FRMD6: variants seen among roughly 807,000 people sequenced by gnomAD.
FRMD6 encodes FERM domain-containing protein 6.
Under a neutral mutation model 73.2 loss-of-function variants are expected in FRMD6, and 37 were observed. The observed-to-expected ratio is 0.51, with a 90% CI of 0.39 to 0.66. The LOEUF is 0.66. FRMD6 is among the 30% of genes least tolerant of loss of function. The probability of loss-of-function intolerance (pLI) is 0.00; values close to 1 mark genes in which losing one functional copy is unlikely to be tolerated. For missense variants in FRMD6, 714 were observed against 780.5 expected, an observed-to-expected ratio of 0.91 and a Z score of 1.02; for synonymous variants, 273 against 282.2, an observed-to-expected ratio of 0.97 and a Z score of 0.33.
At chr14:51,435,835 A>G in the FRMD6 span, among the ~76,000 whole-genome samples, 1 of 152,218 alleles carries the variant, frequency 6.6e-6, no homozygotes, top group Non-Finnish European at 1.5e-5. Flanking sequence ...GGTGACACTA[A>G]TTACCTTGAT....
chr14:51,682,656 T>A (rs1894884250), intron 1 of FRMD6, among the ~76,000 whole-genome samples: 1 of 152,212 alleles, frequency 6.6e-6, no homozygotes, highest in South Asian at 2.1e-4. Context: ...TCTGTGATGA[T>A]GTCCTTCTCA....
At chr14:51,653,628 G>A (rs569091158) in intron 1 of FRMD6, among the ~76,000 whole-genome samples, 1 of 152,194 alleles carries the variant, frequency 6.6e-6, no homozygotes, top group African/African-American at 2.4e-5. Context: ...AGTGGGGGAG[G>A]GGAGAAGACC....
the FRMD6 span, among the ~76,000 whole-genome samples, chr14:51,479,359 G>A: frequency 6.6e-6 from 1 of 152,106 alleles, no homozygotes; most frequent in African/African-American, 2.4e-5. Context: ...GCATAACATC[G>A]ACATGTATAA....
chr14:51,716,341 T>C (rs1897242565), intron 10 of FRMD6, among the ~76,000 whole-genome samples: 1 of 152,066 alleles, frequency 6.6e-6, no homozygotes, highest in Admixed American at 6.6e-5. Flanking sequence ...CTTTCAAAGA[T>C]TTGTTTTGCA....
At chr14:51,633,561 A>T (rs1891420375) in intron 2 of FRMD6, among the ~76,000 whole-genome samples, 2 of 135,228 alleles carry the variant, frequency 1.5e-5, no homozygotes, top group African/African-American at 2.8e-5. Context: ...AGATCATGCC[A>T]CTGCACTCCA....
chr14:51,591,294 CAA>C (rs140368702), intron 2 of FRMD6, among the ~76,000 whole-genome samples: 1 of 150,862 alleles, frequency 6.6e-6, no homozygotes, highest in Non-Finnish European at 1.5e-5. Flanking sequence ...ACAAAACAAA[CAA>C]AAAAAAACTT....
chr14:51,569,817 C>G (rs1295236123), intron 1 of FRMD6, among the ~76,000 whole-genome samples: 2 of 123,940 alleles, frequency 1.6e-5, no homozygotes, highest in East Asian at 4.1e-4. Flanking sequence ...TTTCTTTCTT[C>G]TTTTTCTTTT....
At chr14:51,658,565 C>T (rs1892999466) in intron 1 of FRMD6, among the ~76,000 whole-genome samples, 1 of 152,174 alleles carries the variant, frequency 6.6e-6, no homozygotes, top group Non-Finnish European at 1.5e-5. Flanking sequence ...CCTCTTTTCT[C>T]CCTTTTTGTG....
intron 12 of FRMD6, among the ~76,000 whole-genome samples, chr14:51,723,354 T>C (rs1897736061): frequency 6.6e-6 from 1 of 152,204 alleles, no homozygotes; most frequent in Admixed American, 6.5e-5. Context: ...ACTTTGCGTT[T>C]ATATATTTCT....
chr14:51,437,033 A>T, the FRMD6 span: 1 of 525,922 alleles, frequency 1.9e-6, no homozygotes, highest in Non-Finnish European at 3.3e-6. Context: ...CATGTGCACA[A>T]CGTGCAAGTT....
intron 1 of FRMD6, among the ~76,000 whole-genome samples, chr14:51,503,919 G>C (rs150150887): frequency 6.6e-6 from 1 of 151,700 alleles, no homozygotes; most frequent in Admixed American, 6.6e-5. Context: ...AATCATTATT[G>C]GTCTATTCAG....
At chr14:51,670,597 C>T (rs1893934283) in intron 1 of FRMD6, among the ~76,000 whole-genome samples, 1 of 151,196 alleles carries the variant, frequency 6.6e-6, no homozygotes, top group Non-Finnish European at 1.5e-5. Context: ...AATATCTTAA[C>T]AATATTGAGT....
At chr14:51,549,595 C>CTTTTTTTTTTTTTTTTTTTTTT (rs35356416) in intron 1 of FRMD6, among the ~76,000 whole-genome samples, 10 of 98,010 alleles carry the variant, frequency 1.0e-4, no homozygotes, top group African/African-American at 3.7e-4. Context: ...TTTTTTCTTT[C>CTTTTTTTTTTTTTTTTTTTTTT]TTTTTTTTTT....
chr14:51,589,684 C>A (rs1889265739), intron 2 of FRMD6, among the ~76,000 whole-genome samples: 1 of 151,998 alleles, frequency 6.6e-6, no homozygotes, highest in East Asian at 1.9e-4. Context: ...ATAGAGTTAG[C>A]TGTGCATAAC....
chr14:51,716,173 A>G (rs2140570045), intron 10 of FRMD6, among the ~76,000 whole-genome samples: 1 of 152,262 alleles, frequency 6.6e-6, no homozygotes, highest in East Asian at 1.9e-4. Flanking sequence ...GGTCTGTAAC[A>G]TCCGACTTCA....
chr14:51,723,772 C>CAAAAA (rs71443192), intron 12 of FRMD6, among the ~76,000 whole-genome samples: 1 of 138,698 alleles, frequency 7.2e-6, no homozygotes. Flanking sequence ...GAGACTCTGT[C>CAAAAA]AAAAAAAAAA....
the FRMD6 span, among the ~76,000 whole-genome samples, chr14:51,411,760 G>A: frequency 6.6e-6 from 1 of 152,098 alleles, no homozygotes; most frequent in East Asian, 1.9e-4. Flanking sequence ...TGGTTTGTGT[G>A]TATGTATGGA....
At chr14:51,680,389 G>C (rs1157487897) in intron 1 of FRMD6, among the ~76,000 whole-genome samples, 3 of 152,040 alleles carry the variant, frequency 2.0e-5, no homozygotes, top group East Asian at 1.9e-4. Context: ...TCATTTTACT[G>C]TACAGTTTAG....
At chr14:51,575,201 A>G (rs1307797039) in intron 2 of FRMD6, among the ~76,000 whole-genome samples, 2 of 152,212 alleles carry the variant, frequency 1.3e-5, no homozygotes, top group African/African-American at 4.8e-5. Flanking sequence ...TTAAGATTCA[A>G]TTTGTTATTT....
Sources: allele counts gnomAD v4.1 joint callset (sites outside exome capture counted in the v4.1 genomes callset), GRCh38; gene constraint gnomAD v4.1.1; transcripts MANE v1.5; gene names NCBI Gene and HGNC (gene_info 2026-07-23, HGNC 2026-07-21).